Variants in SOHLH2 observed in about 807,000 individuals in gnomAD.
SOHLH2 encodes the protein spermatogenesis- and oogenesis-specific basic helix-loop-helix-containing protein 2.
Under a neutral mutation model 50.4 loss-of-function variants are expected in SOHLH2, and 22 were observed. That is an observed-to-expected ratio of 0.44 (90% CI 0.31 to 0.62). SOHLH2 has a LOEUF of 0.62. SOHLH2 is among the 20% of genes least tolerant of loss of function. The probability of loss-of-function intolerance (pLI) is 0.08; values close to 1 mark genes in which losing one functional copy is unlikely to be tolerated. For synonymous variants in SOHLH2, 185 were observed against 187.3 expected (o/e 0.99, Z 0.10); for missense variants, 412 against 504.4 (o/e 0.82, Z 1.76).
chr13:36,184,461 T>TC (rs1887350539), intron 6 of SOHLH2, among the ~76,000 whole-genome samples: 1 of 120,340 alleles, frequency 8.3e-6, no homozygotes, highest in Non-Finnish European at 1.7e-5. Context: ...TACAAAGACC[T>TC]TTTTTTTTTT....
chr13:36,205,413 C>T (rs1868696059), intron 1 of SOHLH2, among the ~76,000 whole-genome samples: 1 of 151,990 alleles, frequency 6.6e-6, no homozygotes, highest in South Asian at 2.1e-4. Flanking sequence ...TGATCAATAT[C>T]CTTTATCAGT....
At chr13:36,173,340 G>T (rs1270657813) in intron 9 of SOHLH2, among the ~76,000 whole-genome samples, 1 of 152,228 alleles carries the variant, frequency 6.6e-6, no homozygotes, top group Non-Finnish European at 1.5e-5. Context: ...GCAAAGGCAT[G>T]AAGGAGGTAA....
chr13:36,190,064 CA>C lies in SOHLH2; in HGVS notation c.531-9del. 1 of 1,594,350 alleles carries C rather than the reference CA, an allele frequency of 6.3e-7. No homozygotes were observed. Among genetic ancestry groups the C allele is most frequent in the Non-Finnish European group, 8.5e-7 (1 of 1,170,440 alleles). Reference sequence around the variant, plus strand: ...TTCCTTAAAGATTCAGAGCTAGAAACAAGAGAAAATCACACCATACATTAAA... The same window carrying C: ...TTCCTTAAAGATTCAGAGCTAGAAACAGAGAAAATCACACCATACATTAAA... On this transcript the variant is annotated splice_polypyrimidine_tract_variant and intron_variant, in intron 5 of 10. Transcript: ENST00000379881.
At chr13:36,197,340 A>C (rs1250945338) in intron 2 of SOHLH2, among the ~76,000 whole-genome samples, 1 of 152,136 alleles carries the variant, frequency 6.6e-6, no homozygotes, top group African/African-American at 2.4e-5. Flanking sequence ...GCATCGCTCA[A>C]CCTGCAGCAG....
chr13:36,206,681 T>A (rs1053040369), intron 1 of SOHLH2, among the ~76,000 whole-genome samples: 46 of 152,046 alleles, frequency 3.0e-4, no homozygotes, highest in African/African-American at 1.1e-3. Flanking sequence ...CTATATATCT[T>A]TTAGAACAAA....
At position 36,168,268 on chromosome 13, in the gene SOHLH2, C is replaced by A. The variant is rs1886875657; in HGVS notation, c.*766G>T. 1 of 152,176 alleles carries A rather than the reference C, an allele frequency of 6.6e-6. No individual in the cohort carries two copies. Among genetic ancestry groups the A allele is most frequent in the Admixed American group, 6.6e-5 (1 of 15,264 alleles). 9.4% of individuals were successfully genotyped at this position (152,176 alleles called of 1,614,324 possible). A position where few individuals can be genotyped will look rare whatever the true frequency, so the allele number is the denominator to read the frequency against. ...TAATAATAAAACTTACATATAAGAA[C>A]AATTCAGTGAAATATAAAACAAACC... On this transcript the variant is annotated 3_prime_UTR_variant, in exon 11 of 11. Coordinates refer to ENST00000379881, the MANE Select transcript of SOHLH2 (RefSeq NM_017826.3).
rs571001811 is a variant in SOHLH2, at chr13:36,185,973, G to A, written c.641+3973C>T. Among the ~76,000 whole-genome samples, 4 of 152,188 alleles carry A rather than the reference G, an allele frequency of 2.6e-5. 1 individual carries two copies. The highest frequency in any genetic ancestry group is 9.6e-5 in the African/African-American group (4 of 41,522). On this transcript the variant is annotated intron_variant, in intron 6 of 10. Coordinates refer to ENST00000379881, the MANE Select transcript of SOHLH2 (RefSeq NM_017826.3). ...CACAAATTGTTTCAGAAAACAGAAG[G>A]TTTTCCATTTCATTTTATATGACCA... is the stretch of plus-strand genomic sequence containing the variant.
intron 6 of SOHLH2, among the ~76,000 whole-genome samples, chr13:36,184,664 T>C (rs775066204): frequency 6.6e-6 from 1 of 152,028 alleles, no homozygotes; most frequent in Non-Finnish European, 1.5e-5. Context: ...TTCACCGTGT[T>C]AGCTAGGATG....
At chr13:36,170,892 C>T (rs1328641) in intron 9 of SOHLH2, 105 bp from the exon 10 acceptor site, 412,030 of 1,498,676 alleles carry the variant, frequency 0.27, 57,992 homozygotes, top group South Asian at 0.28. Flanking sequence ...CCTCACATTA[C>T]AAATCTGTAC....
intron 2 of SOHLH2, among the ~76,000 whole-genome samples, chr13:36,201,048 C>CAAAAAAAA (rs10660002): frequency 1.1e-4 from 6 of 55,934 alleles, no homozygotes; most frequent in Non-Finnish European, 1.6e-4. Context: ...GACTCTGCCT[C>CAAAAAAAA]AAAAAAAAAA....
chr13:36,205,075 T>C (rs922782491), intron 1 of SOHLH2, among the ~76,000 whole-genome samples: 2 of 152,234 alleles, frequency 1.3e-5, no homozygotes, highest in Non-Finnish European at 2.9e-5. Context: ...TGATTGATTA[T>C]AGCTGACATA....
intron 6 of SOHLH2, among the ~76,000 whole-genome samples, chr13:36,178,784 T>A (rs150521183): frequency 1.3e-5 from 2 of 151,996 alleles, no homozygotes; most frequent in East Asian, 3.9e-4. Context: ...TAACTTTTCA[T>A]AGTAACATTT....
intron 6 of SOHLH2, among the ~76,000 whole-genome samples, chr13:36,188,076 A>T (rs150158573): frequency 7.9e-5 from 12 of 152,302 alleles, no homozygotes; most frequent in Non-Finnish European, 1.6e-4. Flanking sequence ...GAAAGGCTTC[A>T]GTTGACAGCC....
At chr13:36,174,405 G>T (rs181278746) in intron 8 of SOHLH2, 71 bp downstream of exon 8, 2 of 1,587,746 alleles carry the variant, frequency 1.3e-6, no homozygotes, top group Admixed American at 3.6e-5. Flanking sequence ...CAGTTTTTGT[G>T]TACATATTTA....
At chr13:36,192,667 T>C (rs1887609678) in intron 4 of SOHLH2, among the ~76,000 whole-genome samples, 1 of 152,188 alleles carries the variant, frequency 6.6e-6, no homozygotes, top group African/African-American at 2.4e-5. Context: ...TTCGAAATTG[T>C]ACATATTTAA....
At chr13:36,201,735 G>T in intron 2 of SOHLH2, 144 bp downstream of exon 2, 1 of 1,271,426 alleles carries the variant, frequency 7.9e-7, no homozygotes, top group Non-Finnish European at 1.1e-6. Context: ...CTCTCAAAGT[G>T]CCAGGATTAC....
chr13:36,189,804 C>A lies in SOHLH2; in HGVS notation c.641+142G>T. Reference sequence around the variant, plus strand: ...AAACATTTATTGAATGACTACAAGGCTGAATGAGTGAGTGGCATCTATTTG... The same window carrying A: ...AAACATTTATTGAATGACTACAAGGATGAATGAGTGAGTGGCATCTATTTG... On this transcript the variant is annotated intron_variant, in intron 6 of 10. Transcript: ENST00000379881. 2 of 756,244 alleles carry A rather than the reference C, an allele frequency of 2.6e-6. 1 individual carries two copies. Among genetic ancestry groups the A allele is most frequent in the South Asian group, 4.8e-5 (2 of 41,910 alleles). 46.8% of individuals were successfully genotyped at this position (756,244 alleles called of 1,614,324 possible).
At chr13:36,171,160 C>T (rs1165672235) in intron 9 of SOHLH2, among the ~76,000 whole-genome samples, 1 of 151,966 alleles carries the variant, frequency 6.6e-6, no homozygotes, top group African/African-American at 2.4e-5. Context: ...CTATATTCTA[C>T]ATGGTAACTA....
At position 36,193,855 on chromosome 13, in the gene SOHLH2, C is replaced by A; in HGVS notation, c.276G>T (p.Lys92Asn). The A allele has an allele frequency of 6.3e-7, 1 of 1,598,924 alleles. No individual in the cohort carries two copies. Among genetic ancestry groups the A allele is most frequent in the Non-Finnish European group, 8.5e-7 (1 of 1,176,136 alleles). ...EAIKLIRFGKKKNTHSLFVFI... is the reference protein window; with the variant it reads ...EAIKLIRFGKNKNTHSLFVFI... ...AAACAAACAGTGAATGTGTATTTTTCTTTTTGCCAAATCTGAGAGAGGAAA... is the reference window on the plus strand; with the variant it reads ...AAACAAACAGTGAATGTGTATTTTTATTTTTGCCAAATCTGAGAGAGGAAA... The change falls in exon 3 of 11, where the codon AAG (lysine) becomes AAT (asparagine). Residue 92 changes from lysine (K) to asparagine (N), a missense_variant. Physicochemically the swap from Lys to Asn is moderately conservative, Grantham distance 94. Coordinates refer to ENST00000379881, the MANE Select transcript of SOHLH2 (RefSeq NM_017826.3).
Sources: gnomAD v4.1 joint callset for allele counts (sites outside exome capture counted in the v4.1 genomes callset) on GRCh38, gnomAD v4.1.1 for gene constraint, MANE v1.5 for transcripts, NCBI Gene and HGNC (gene_info 2026-07-23, HGNC 2026-07-21) for gene names.